Variants in EEIG2 observed in about 807,000 individuals in gnomAD.
The protein encoded by EEIG2 is EEIG family member 2.
At chr1:108,586,273 A>G in the EEIG2 span, among the ~76,000 whole-genome samples, 1 of 151,590 alleles carries the variant, frequency 6.6e-6, no homozygotes, top group African/African-American at 2.4e-5. Context: ...GCTTTTGAGC[A>G]ATGTCTTGAA....
the EEIG2 span, among the ~76,000 whole-genome samples, chr1:108,594,732 G>A: frequency 3.3e-5 from 5 of 152,280 alleles, no homozygotes; most frequent in African/African-American, 9.6e-5. Flanking sequence ...ATAGTAAGTA[G>A]GTGAGGACAT....
the EEIG2 span, among the ~76,000 whole-genome samples, chr1:108,613,348 T>C: frequency 3.9e-5 from 6 of 152,192 alleles, no homozygotes; most frequent in Admixed American, 1.3e-4. Flanking sequence ...GAGCTGAAAC[T>C]AAAGTATCTC....
chr1:108,588,779 A>C, the EEIG2 span, among the ~76,000 whole-genome samples: 1 of 137,460 alleles, frequency 7.3e-6, no homozygotes, highest in Non-Finnish European at 1.6e-5. Context: ...TATATTTGGG[A>C]TATTAACCCC....
chr1:108,633,128 G>T, the EEIG2 span, among the ~76,000 whole-genome samples: 1 of 151,996 alleles, frequency 6.6e-6, no homozygotes, highest in Admixed American at 6.6e-5. Flanking sequence ...AAAAGCACGG[G>T]CTGTCTTAGA....
At chr1:108,587,798 TG>T in the EEIG2 span, among the ~76,000 whole-genome samples, 6 of 152,200 alleles carry the variant, frequency 3.9e-5, no homozygotes, top group African/African-American at 1.2e-4. Flanking sequence ...AATCTAGGAA[TG>T]TTTTTTTCTC....
the EEIG2 span, chr1:108,616,357 G>GT: frequency 2.7e-6 from 4 of 1,500,350 alleles, no homozygotes; most frequent in African/African-American, 4.2e-5. Context: ...TTTTATAATC[G>GT]TGATATTTCT....
chr1:108,582,924 G>A, the EEIG2 span, among the ~76,000 whole-genome samples: 1 of 151,958 alleles, frequency 6.6e-6, no homozygotes, highest in African/African-American at 2.4e-5. Flanking sequence ...GCAGGCCTTG[G>A]GTGCAGTCAC....
the EEIG2 span, among the ~76,000 whole-genome samples, chr1:108,562,114 C>T: frequency 6.6e-6 from 1 of 152,178 alleles, no homozygotes; most frequent in Admixed American, 6.5e-5. Context: ...GGTAGGGGTT[C>T]CATTTCGTAG....
chr1:108,607,036 T>G, the EEIG2 span, among the ~76,000 whole-genome samples: 1 of 152,222 alleles, frequency 6.6e-6, no homozygotes, highest in South Asian at 2.1e-4. Flanking sequence ...AGGATGTTCT[T>G]TGTTAAAGTA....
chr1:108,574,453 A>T, the EEIG2 span, among the ~76,000 whole-genome samples: 2 of 152,222 alleles, frequency 1.3e-5, no homozygotes, highest in South Asian at 4.1e-4. Context: ...CTGTATACTT[A>T]AAAATGGTTA....
chr1:108,638,515 A>G, the EEIG2 span: 5 of 152,234 alleles, frequency 3.3e-5, no homozygotes, highest in African/African-American at 1.2e-4. Context: ...GGCTTCCAGT[A>G]TATATAGCAA....
the EEIG2 span, among the ~76,000 whole-genome samples, chr1:108,573,235 A>T: frequency 6.6e-6 from 1 of 152,206 alleles, no homozygotes; most frequent in African/African-American, 2.4e-5. Flanking sequence ...ATAAATAAAG[A>T]TCAGAAAAGG....
chr1:108,575,890 G>A, the EEIG2 span, among the ~76,000 whole-genome samples: 8 of 152,154 alleles, frequency 5.3e-5, no homozygotes, highest in African/African-American at 9.7e-5. Flanking sequence ...ATTGACTGGC[G>A]ATAGTTTCAC....
chr1:108,635,038 T>A, the EEIG2 span: 2 of 1,522,546 alleles, frequency 1.3e-6, no homozygotes, highest in East Asian at 4.5e-5. Context: ...TCTCCAGGGG[T>A]AAGGTTACTT....
the EEIG2 span, among the ~76,000 whole-genome samples, chr1:108,614,813 C>G: frequency 6.6e-6 from 1 of 152,154 alleles, no homozygotes; most frequent in South Asian, 2.1e-4. Context: ...AAAAATTAAC[C>G]TCTCATCTTC....
the EEIG2 span, among the ~76,000 whole-genome samples, chr1:108,633,604 T>G: frequency 6.6e-6 from 1 of 152,362 alleles, no homozygotes; most frequent in African/African-American, 2.4e-5. Context: ...CTGCCTGTAT[T>G]TTTATTTTAT....
chr1:108,608,367 C>G, the EEIG2 span, among the ~76,000 whole-genome samples: 10 of 152,200 alleles, frequency 6.6e-5, no homozygotes, highest in African/African-American at 2.2e-4. Flanking sequence ...ACTTTTCTAT[C>G]CTCCCCTATT....
At chr1:108,602,835 C>G in the EEIG2 span, among the ~76,000 whole-genome samples, 1 of 151,568 alleles carries the variant, frequency 6.6e-6, no homozygotes, top group South Asian at 2.1e-4. Flanking sequence ...GATCATGCCA[C>G]TGTACTCCAG....
chr1:108,605,566 A>G, the EEIG2 span, among the ~76,000 whole-genome samples: 3 of 152,174 alleles, frequency 2.0e-5, no homozygotes, highest in Non-Finnish European at 4.4e-5. Context: ...AATGACAAAG[A>G]CATATATACA....
Sources: gnomAD v4.1 joint callset for allele counts (sites outside exome capture counted in the v4.1 genomes callset) on GRCh38, gnomAD v4.1.1 for gene constraint, MANE v1.5 for transcripts, NCBI Gene and HGNC (gene_info 2026-07-23, HGNC 2026-07-21) for gene names.